Variants in NFX1 observed in about 807,000 individuals in gnomAD.
NFX1 encodes the protein nuclear transcription factor, X-box binding 1, also known as transcriptional repressor NF-X1.
In NFX1, 69 loss-of-function variants were observed where a neutral mutation model predicts 137.2. The observed-to-expected ratio is 0.50, with a 90% CI of 0.41 to 0.61. The LOEUF is 0.61. Among genes scored for constraint, NFX1 ranks in the 20% least tolerant of loss-of-function variants. The pLI, the probability that NFX1 is intolerant of heterozygous loss-of-function variation, is 0.00. For missense variants in NFX1, 1,167 were observed against 1,391.0 expected (o/e 0.84, Z 2.56); for synonymous variants, 495 against 474.1 (o/e 1.04, Z -0.57).
intron 4 of NFX1, among the ~76,000 whole-genome samples, chr9:33,304,241 G>A (rs186887143): frequency 7.2e-5 from 11 of 152,238 alleles, no homozygotes; most frequent in African/African-American, 2.6e-4. Flanking sequence ...CAGCCTGGGC[G>A]ACAGAGTGAG....
At chr9:33,320,084 C>T (rs978953817) in intron 9 of NFX1, among the ~76,000 whole-genome samples, 1 of 151,620 alleles carries the variant, frequency 6.6e-6, no homozygotes, top group Non-Finnish European at 1.5e-5. Flanking sequence ...GCCTTGGCCT[C>T]CCGAGTAGCT....
At chr9:33,291,986 T>C (rs776049473) in intron 1 of NFX1, among the ~76,000 whole-genome samples, 4 of 152,184 alleles carry the variant, frequency 2.6e-5, no homozygotes, top group Non-Finnish European at 4.4e-5. Context: ...TTGGAAAACT[T>C]TTTGGGCTGG....
intron 12 of NFX1, 77 bp downstream of exon 12, chr9:33,338,666 A>G: frequency 7.6e-7 from 1 of 1,307,290 alleles, no homozygotes; most frequent in Non-Finnish European, 1.1e-6. Context: ...CCATGTGGAG[A>G]ATGCAGCCCG....
chr9:33,324,941 AAAG>A (rs1421385647), intron 9 of NFX1, among the ~76,000 whole-genome samples: 1 of 151,938 alleles, frequency 6.6e-6, no homozygotes, highest in African/African-American at 2.4e-5. Flanking sequence ...AAAAAAAAAA[AAAG>A]AAAGAGATTA....
chr9:33,302,905 T>C (rs1174084084), intron 3 of NFX1, among the ~76,000 whole-genome samples: 3 of 151,358 alleles, frequency 2.0e-5, no homozygotes, highest in African/African-American at 7.3e-5. Flanking sequence ...CCTGACCTTG[T>C]GATCCACCCA....
At position 33,294,830 on chromosome 9, in the gene NFX1, C is replaced by A; in HGVS notation, c.436C>A (p.Leu146Ile). The A allele has an allele frequency of 6.2e-7, 1 of 1,614,068 alleles. No homozygotes were observed. Among genetic ancestry groups the A allele is most frequent in the Non-Finnish European group, 8.5e-7 (1 of 1,180,024 alleles). The change falls in exon 2 of 24, where the codon CTC becomes ATC. Residue 146 changes from leucine to isoleucine, a missense_variant. Physicochemically the swap from Leu to Ile is conservative, Grantham distance 5. Transcript: ENST00000379540. ...SSTRSESGTD[L>I]REHSPSESEK... ...GACCAGATCAGAGAGTGGGACAGACCTCAGAGAGCATAGTCCTTCTGAGAG... is the reference window on the plus strand; with the variant it reads ...GACCAGATCAGAGAGTGGGACAGACATCAGAGAGCATAGTCCTTCTGAGAG...
At chr9:33,313,903 T>G (rs767808474) in intron 7 of NFX1, 110 bp downstream of exon 7, 17 of 1,095,682 alleles carry the variant, frequency 1.6e-5, no homozygotes, top group Non-Finnish European at 2.1e-5. Flanking sequence ...ACAAAGACCT[T>G]GAGTAGAGAG....
intron 21 of NFX1, among the ~76,000 whole-genome samples, chr9:33,366,253 T>C (rs1390920443): frequency 6.6e-6 from 1 of 152,214 alleles, no homozygotes; most frequent in African/African-American, 2.4e-5. Context: ...AAGTAGAACA[T>C]ACTTTTAAAG....
chr9:33,366,121 C>T (rs1010475463), intron 21 of NFX1: 1 of 154,056 alleles, frequency 6.5e-6, no homozygotes. Context: ...TCTGTTACCA[C>T]TTCCCAGCAG....
chr9:33,333,048 G>T (rs992153635), intron 11 of NFX1, among the ~76,000 whole-genome samples: 5 of 152,180 alleles, frequency 3.3e-5, no homozygotes, highest in Non-Finnish European at 7.3e-5. Flanking sequence ...GTTTCACTGT[G>T]TTGGCCAGGC....
chr9:33,301,209 G>T (rs1328457409), intron 2 of NFX1, 54 bp from the exon 3 acceptor site: 4 of 1,503,696 alleles, frequency 2.7e-6, no homozygotes, highest in Non-Finnish European at 3.7e-6. Flanking sequence ...TTAAAGTGAG[G>T]AATGGTTTTT....
chr9:33,311,107 C>T lies in NFX1; in HGVS notation c.1378C>T (p.Leu460Phe). Residue 460 changes from leucine (L) to phenylalanine (F), a missense_variant and splice_region_variant, in exon 6 of 24, where the codon CTC becomes TTC. Transcript: ENST00000379540. ...TTCAGTGAAACCTTTCTCTTTCAGT[C>T]TCTGCCATCCAGGACCCTGCCCACC... Reference protein sequence around the residue: ...GQDCPHSCNLLCHPGPCPPCP... With the variant: ...GQDCPHSCNLFCHPGPCPPCP... 1 of 1,614,108 alleles carries T rather than the reference C, an allele frequency of 6.2e-7. No individual in the cohort carries two copies. Among genetic ancestry groups the T allele is most frequent in the Non-Finnish European group, 8.5e-7 (1 of 1,179,982 alleles).
intron 15 of NFX1, among the ~76,000 whole-genome samples, chr9:33,351,046 AG>A (rs1823617697): frequency 6.6e-6 from 1 of 152,232 alleles, no homozygotes; most frequent in Non-Finnish European, 1.5e-5. Context: ...CGGGAGGCTG[AG>A]GCTGGAGAAT....
chr9:33,354,593 A>G lies in NFX1; in HGVS notation c.2832-258A>G, dbSNP rs138664171. ...TCCTAGACCCCATAACAGAGAGGCC[A>G]TCATCCCACCTGTCCTTCAGAGGGA... On this transcript the variant is annotated intron_variant, in intron 18 of 23. Coordinates refer to ENST00000379540, the MANE Select transcript of NFX1 (RefSeq NM_002504.6). 3.6e-3 allele frequency among the ~76,000 whole-genome samples: 554 copies of G among 152,332 alleles called. 6 individuals carry two copies. The highest frequency in any genetic ancestry group is 0.012 in the African/African-American group (516 of 41,578).
intron 3 of NFX1, among the ~76,000 whole-genome samples, chr9:33,302,680 T>A (rs1048285248): frequency 4.6e-5 from 7 of 151,552 alleles, no homozygotes; most frequent in African/African-American, 1.7e-4. Context: ...TGTTTTTGTT[T>A]TTTTTTTGAG....
chr9:33,318,527 A>G (rs1021968168), intron 7 of NFX1, among the ~76,000 whole-genome samples: 5 of 152,118 alleles, frequency 3.3e-5, no homozygotes, highest in African/African-American at 1.2e-4. Context: ...TCCTATGGTA[A>G]AGCTCTTAGG....
chr9:33,351,142 G>T (rs148661958), intron 15 of NFX1, among the ~76,000 whole-genome samples: 276 of 149,798 alleles, frequency 1.8e-3, no homozygotes, highest in African/African-American at 6.1e-3. Flanking sequence ...GTGAGACTTC[G>T]TCTCAAAATA....
At chr9:33,363,698 C>T (rs1284835937) in intron 19 of NFX1, among the ~76,000 whole-genome samples, 3 of 152,124 alleles carry the variant, frequency 2.0e-5, no homozygotes, top group Non-Finnish European at 2.9e-5. Flanking sequence ...TAAACAAAGC[C>T]TCAGAGAAAG....
At chr9:33,323,180 C>G (rs1822449095) in intron 9 of NFX1, among the ~76,000 whole-genome samples, 1 of 152,126 alleles carries the variant, frequency 6.6e-6, no homozygotes, top group South Asian at 2.1e-4. Context: ...GTTGTGCCAT[C>G]CAAAGAGTGA....
Sources: gnomAD v4.1 joint callset for allele counts (sites outside exome capture counted in the v4.1 genomes callset) on GRCh38, gnomAD v4.1.1 for gene constraint, MANE v1.5 for transcripts, NCBI Gene and HGNC (gene_info 2026-07-23, HGNC 2026-07-21) for gene names.